Variants in RBM26 observed in about 807,000 individuals in gnomAD.
RBM26 encodes RNA-binding protein 26.
A neutral mutation model predicts 123.6 loss-of-function variants in RBM26; 30 were observed. The ratio of observed to expected loss-of-function variants is 0.24; its 90% CI spans 0.18 to 0.33. The LOEUF (loss-of-function observed/expected upper bound fraction) is 0.33. Ranked by LOEUF, RBM26 falls within the 10% of genes least tolerant of loss-of-function variation. The probability of loss-of-function intolerance (pLI) is 1.00; values close to 1 mark genes in which losing one functional copy is unlikely to be tolerated. For synonymous variants in RBM26, 400 were observed against 404.4 expected (o/e 0.99, Z 0.13); for missense variants, 947 against 1,203.6 (o/e 0.79, Z 3.15).
At chr13:79,334,506 C>T in intron 19 of RBM26, 76 bp from the exon 20 acceptor site, 1 of 706,358 alleles carries the variant, frequency 1.4e-6, no homozygotes, top group South Asian at 1.9e-5. Context: ...TATTAAAAAA[C>T]ATTAAAATAC....
intron 1 of RBM26, among the ~76,000 whole-genome samples, chr13:79,391,413 G>A (rs896186725): frequency 2.0e-5 from 3 of 152,132 alleles, no homozygotes; most frequent in Admixed American, 6.5e-5. Flanking sequence ...TACATAAAAT[G>A]AAGCATTTCT....
chr13:79,339,482 A>G (rs977163872), intron 18 of RBM26, among the ~76,000 whole-genome samples: 6 of 152,314 alleles, frequency 3.9e-5, no homozygotes, highest in African/African-American at 1.4e-4. Flanking sequence ...GACGTAATCA[A>G]TTCACAACTT....
chr13:79,367,459 T>C (rs2139922936), intron 6 of RBM26, among the ~76,000 whole-genome samples: 1 of 129,006 alleles, frequency 7.8e-6, no homozygotes, highest in Non-Finnish European at 1.7e-5. Flanking sequence ...AAGAGAGAAA[T>C]GTGACAAACG....
At chr13:79,322,489 T>A (rs764646327) in intron 20 of RBM26, 27 bp from the exon 21 acceptor site, 28 of 1,445,110 alleles carry the variant, frequency 1.9e-5, no homozygotes, top group Non-Finnish European at 2.6e-5. Context: ...TATTGGAATA[T>A]AAGACATTAA....
At chr13:79,333,867 G>C (rs978425945) in intron 20 of RBM26, among the ~76,000 whole-genome samples, 3 of 152,114 alleles carry the variant, frequency 2.0e-5, no homozygotes, top group African/African-American at 7.2e-5. Context: ...AGTCTAGTTG[G>C]GGCTATGCTG....
rs2073846304 is a variant in RBM26, at chr13:79,355,324, T to C, written c.1750A>G (p.Lys584Glu). Residue 584 changes from lysine to glutamate, a missense_variant, in exon 12 of 22, where the codon AAG becomes GAG. By Grantham distance (56) the Lys-to-Glu change is moderately conservative. Around this residue, in one of 5 missense-constraint regions of RBM26, gnomAD observed 493 missense variants for 563.1 expected, o/e 0.88. Transcript: ENST00000438737. Reference protein sequence around the residue: ...LIQFATYEEAKKAISSTEAVL... With the variant: ...LIQFATYEEAEKAISSTEAVL... The stretch of plus-strand genomic sequence containing the variant: ...GCTTCCGTACTTGATATTGCTTTCT[T>C]TGCTTCTTCGTATGTTGCAAATTGG... 1 of 1,613,984 alleles carries C rather than the reference T, an allele frequency of 6.2e-7. No individual in the cohort carries two copies. The highest frequency in any genetic ancestry group is 8.5e-7 in the Non-Finnish European group (1 of 1,179,884).
chr13:79,397,431 A>G (rs1368467610), intron 1 of RBM26, among the ~76,000 whole-genome samples: 3 of 151,780 alleles, frequency 2.0e-5, no homozygotes, highest in Non-Finnish European at 4.4e-5. Flanking sequence ...ATGAAGGTAT[A>G]TTGGGAGGTT....
intron 3 of RBM26, among the ~76,000 whole-genome samples, chr13:79,373,462 TAATATGTATAAATATACAAA>T (rs2076281431): frequency 2.8e-5 from 2 of 71,744 alleles, no homozygotes; most frequent in African/African-American, 1.1e-4. Context: ...TAAATATATA[TAATATGTATAAATATACAAA>T]TATATATAAT....
intron 12 of RBM26, 47 bp downstream of exon 12, chr13:79,355,173 G>A (rs1388813710): frequency 6.4e-7 from 1 of 1,567,156 alleles, no homozygotes; most frequent in African/African-American, 1.4e-5. Context: ...GCTATGCTAA[G>A]AGCTTTCTAA....
At chr13:79,397,016 C>G (rs975566245) in intron 1 of RBM26, among the ~76,000 whole-genome samples, 1 of 152,046 alleles carries the variant, frequency 6.6e-6, no homozygotes. Context: ...CCCACCTCTA[C>G]TAAAAATACG....
At position 79,341,134 on chromosome 13, in the gene RBM26, A is replaced by G; in HGVS notation, c.2521T>C (p.Leu841=). 6.3e-7 allele frequency: 1 copy of G among 1,598,976 alleles called. No individual in the cohort carries two copies. ...VTELRRKYTE[L]QLEAAKRGIL... ...GTGATTAAACATACTTCCAGCTGTA[A>G]TTCTGTATACTTTCTCCTAAGTTCA... The change falls in exon 18 of 22, where the codon TTA becomes CTA. Residue 841 remains leucine, a synonymous_variant. Transcript: ENST00000438737.
intron 20 of RBM26, among the ~76,000 whole-genome samples, chr13:79,330,941 C>T (rs2069200710): frequency 1.3e-5 from 2 of 152,272 alleles, no homozygotes; most frequent in South Asian, 2.1e-4. Flanking sequence ...CACACATACA[C>T]ACACACACTC....
At chr13:79,341,880 G>C (rs1180158687) in intron 17 of RBM26, among the ~76,000 whole-genome samples, 2 of 151,704 alleles carry the variant, frequency 1.3e-5, no homozygotes, top group Non-Finnish European at 3.0e-5. Context: ...ACAAAAGGGG[G>C]AAAAAAGTAA....
intron 20 of RBM26, among the ~76,000 whole-genome samples, chr13:79,323,451 C>T (rs1057405914): frequency 6.6e-6 from 1 of 151,490 alleles, no homozygotes; most frequent in Admixed American, 6.6e-5. Context: ...GAATTTTTGT[C>T]ACAATGTCAT....
chr13:79,314,997 G>T, downstream of RBM26: 1 of 1,297,756 alleles, frequency 7.7e-7, no homozygotes, highest in Non-Finnish European at 1.0e-6. Flanking sequence ...CTCTCTGCTG[G>T]AAAAAGAGAA....
At chr13:79,372,195 C>A (rs899674582) in intron 3 of RBM26, among the ~76,000 whole-genome samples, 11 of 152,136 alleles carry the variant, frequency 7.2e-5, no homozygotes, top group African/African-American at 2.2e-4. Context: ...AAGAGAATCG[C>A]TTGAACCTGG....
chr13:79,363,722 T>A (rs1330420164), intron 9 of RBM26, among the ~76,000 whole-genome samples: 1 of 152,002 alleles, frequency 6.6e-6, no homozygotes, highest in Non-Finnish European at 1.5e-5. Context: ...CATGGTAAGA[T>A]TTAAATGCAA....
rs918464448 is a variant in RBM26, at chr13:79,320,268, T to C, written c.*353A>G. 57 of 978,850 alleles carry C rather than the reference T, an allele frequency of 5.8e-5. 1 individual carries two copies. The highest frequency in any genetic ancestry group is 6.0e-5 in the Admixed American group (1 of 16,664). The allele number at this position is 978,850 out of a possible 1,614,324, so 60.6% of individuals were successfully genotyped here. A position where few individuals can be genotyped will look rare whatever the true frequency, so the allele number is the denominator to read the frequency against. On this transcript the variant is annotated 3_prime_UTR_variant, in exon 22 of 22. Coordinates refer to ENST00000438737, the MANE Select transcript of RBM26 (RefSeq NM_001366735.2). The stretch of plus-strand genomic sequence containing the variant: ...ATGCAAATTCATTCCTTATTTGGAA[T>C]AAAACAAAGTCCTCTAAGTTATAAC...
At chr13:79,327,954 C>A (rs188703370) in intron 20 of RBM26, among the ~76,000 whole-genome samples, 10 of 151,838 alleles carry the variant, frequency 6.6e-5, no homozygotes, top group African/African-American at 1.7e-4. Flanking sequence ...AAAAAGAAAA[C>A]CTTAACACTA....
Sources: allele counts gnomAD v4.1 joint callset (sites outside exome capture counted in the v4.1 genomes callset), GRCh38; gene constraint gnomAD v4.1.1; regional missense constraint gnomAD v4.1.1; transcripts MANE v1.5; gene names NCBI Gene and HGNC (gene_info 2026-07-23, HGNC 2026-07-21).